FGF3: variants seen among roughly 807,000 people sequenced by gnomAD.
FGF3 encodes fibroblast growth factor 3.
A neutral mutation model predicts 9.8 loss-of-function variants in FGF3; 7 were observed. That is an observed-to-expected ratio of 0.72 (90% CI 0.41 to 1.35). The LOEUF (loss-of-function observed/expected upper bound fraction) is 1.35. Ranked by LOEUF, FGF3 falls within the 40% of genes most tolerant of loss-of-function variation. The pLI is 0.01. For missense variants in FGF3, 390 were observed against 345.6 expected, an observed-to-expected ratio of 1.13 and a Z score of -1.02; for synonymous variants, 173 against 157.2, an observed-to-expected ratio of 1.10 and a Z score of -0.75.
Position 69,816,314 on chromosome 11 carries a change from A to G in FGF3, c.324+6T>C. ...AGCGCCCACCCACGTGACAGCCTGG[A>G]CTCACCGAAGCATAGAGTCGTCCCC... On this transcript the variant is annotated splice_donor_region_variant and intron_variant, in intron 2 of 2. Transcript: ENST00000334134. 2 of 1,609,412 alleles carry G rather than the reference A, an allele frequency of 1.2e-6. No homozygotes were observed. The highest frequency in any genetic ancestry group is 1.7e-6 in the Non-Finnish European group (2 of 1,175,870).
chr11:69,819,137 G>GGGAGAT lies in FGF3; in HGVS notation c.-205_-204insATCTCC, dbSNP rs1351993081. On this transcript the variant is annotated 5_prime_UTR_variant, in exon 1 of 3. Coordinates refer to ENST00000334134, the MANE Select transcript of FGF3 (RefSeq NM_005247.4). ...AGAGAGGGAGAGTGGGAGAGGGAGA[G>GGGAGAT]GGAGAGAGGGAACGCGAGTCCCTTT... 28 of 419,178 alleles carry GGGAGAT rather than the reference G, an allele frequency of 6.7e-5. No individual in the cohort carries two copies. The highest frequency in any genetic ancestry group is 1.0e-4 in the Non-Finnish European group (24 of 238,194). 26.0% of individuals were successfully genotyped at this position (419,178 alleles called of 1,614,324 possible). A position where few individuals can be genotyped will look rare whatever the true frequency, so the allele number is the denominator to read the frequency against.
Position 69,810,427 on chromosome 11 carries a change from T to A in FGF3, c.598A>T (p.Arg200Ter), listed in dbSNP as rs1305463722. The A allele has an allele frequency of 1.1e-5, 18 of 1,583,626 alleles. No homozygotes were observed. Among genetic ancestry groups the A allele is most frequent in the Non-Finnish European group, 1.5e-5 (18 of 1,163,052 alleles). The change falls in exon 3 of 3, where the codon AGA becomes TGA. Residue 200 changes from arginine to a stop codon, truncating the protein, a stop_gained. Coordinates refer to ENST00000334134, the MANE Select transcript of FGF3 (RefSeq NM_005247.4). LOFTEE classifies it low-confidence loss of function (END_TRUNC). Reference protein sequence around the residue: ...MVRQLQSGLPRPPGKGVQPRR... With the variant: ...MVRQLQSGLP The stretch of plus-strand genomic sequence containing the variant: ...GGCTGGACCCCCTTACCAGGGGGTC[T>A]GGGCAGCCCACTCTGTAGCTGCCGC...
chr11:69,816,455 C>A (rs548142624), intron 1 of FGF3, 32 bp from the exon 2 acceptor site: 1 of 1,573,032 alleles, frequency 6.4e-7, no homozygotes, highest in South Asian at 1.1e-5. Context: ...TCACTCCCGC[C>A]GCCCCCACGG....
At chr11:69,816,777 G>T (rs1392503853) in intron 1 of FGF3, among the ~76,000 whole-genome samples, 1 of 152,204 alleles carries the variant, frequency 6.6e-6, no homozygotes, top group Non-Finnish European at 1.5e-5. Flanking sequence ...ATGGCTGGGT[G>T]ACTGTCAGGC....
intron 2 of FGF3, among the ~76,000 whole-genome samples, chr11:69,815,487 C>T (rs1234160532): frequency 2.6e-5 from 4 of 152,140 alleles, no homozygotes; most frequent in Admixed American, 2.6e-4. Flanking sequence ...TCAGCTTCTG[C>T]GAGAGGGAGC....
Position 69,819,131 on chromosome 11 carries a change from G to C in FGF3, c.-198C>G, listed in dbSNP as rs902489816. ...AGAGAAAGAGAGGGAGAGTGGGAGA[G>C]GGAGAGGGAGAGAGGGAACGCGAGT... On this transcript the variant is annotated 5_prime_UTR_variant, in exon 1 of 3. Coordinates refer to ENST00000334134, the MANE Select transcript of FGF3 (RefSeq NM_005247.4). 4.7e-5 allele frequency: 20 copies of C among 426,920 alleles called. No homozygotes were observed. The highest frequency in any genetic ancestry group is 4.0e-4 in the African/African-American group (19 of 48,062). 26.4% of individuals were successfully genotyped at this position (426,920 alleles called of 1,614,324 possible).
intron 2 of FGF3, among the ~76,000 whole-genome samples, chr11:69,811,274 C>T (rs1401289529): frequency 6.6e-6 from 1 of 151,890 alleles, no homozygotes; most frequent in Non-Finnish European, 1.5e-5. Context: ...ATGGCAAAAC[C>T]CCGTCTCTAC....
At chr11:69,810,764 T>C (rs781930358) in intron 2 of FGF3, 64 bp from the exon 3 acceptor site, 37 of 1,429,868 alleles carry the variant, frequency 2.6e-5, no homozygotes, top group Non-Finnish European at 3.3e-5. Context: ...GGGCCCAGGG[T>C]TGCCTGATGC....
chr11:69,818,721 G>C lies in FGF3; in HGVS notation c.213C>G (p.Ser71Arg). Residue 71 changes from serine (S) to arginine (R), a missense_variant, in exon 1 of 3, where the codon AGC (serine) becomes AGG (arginine). Transcript: ENST00000334134. ...SGRVNGSLEN[S>R]AYSILEITAV... ...GCAGCGTCCGGCACTCACTGTAGGC[G>C]CTGTTCTCCAGGCTGCCGTTGACGC... 1 of 1,488,302 alleles carries C rather than the reference G, an allele frequency of 6.7e-7. No individual in the cohort carries two copies. Among genetic ancestry groups the C allele is most frequent in the Non-Finnish European group, 8.9e-7 (1 of 1,125,810 alleles). 92.2% of individuals were successfully genotyped at this position (1,488,302 alleles called of 1,614,324 possible).
chr11:69,817,924 G>T (rs567245075), intron 1 of FGF3, among the ~76,000 whole-genome samples: 141 of 152,352 alleles, frequency 9.3e-4, no homozygotes, highest in African/African-American at 3.3e-3. Flanking sequence ...AGCGCAGCCC[G>T]GGCCGCGGGT....
chr11:69,813,989 G>A (rs1183298080), intron 2 of FGF3, among the ~76,000 whole-genome samples: 1 of 151,920 alleles, frequency 6.6e-6, no homozygotes, highest in African/African-American at 2.4e-5. Flanking sequence ...GAAGGAAGGA[G>A]GGAGCATGGA....
intron 1 of FGF3, among the ~76,000 whole-genome samples, chr11:69,818,460 C>T (rs1353355510): frequency 6.6e-6 from 1 of 152,108 alleles, no homozygotes; most frequent in Non-Finnish European, 1.5e-5. Flanking sequence ...CGCCCATGCC[C>T]CCGAGTTCTG....
chr11:69,815,736 G>A (rs12575712), intron 2 of FGF3, among the ~76,000 whole-genome samples: 29,264 of 152,158 alleles, frequency 0.19, 3,583 homozygotes, highest in East Asian at 0.4. Context: ...TACCCACAGA[G>A]TAAGGAGACC....
At chr11:69,817,516 G>A (rs1302695519) in intron 1 of FGF3, 3 of 152,272 alleles carry the variant, frequency 2.0e-5, no homozygotes, top group Admixed American at 2.0e-4. Flanking sequence ...CGACTCCGAG[G>A]GGGAGCCTGG....
chr11:69,817,830 C>T (rs1856161395), intron 1 of FGF3, among the ~76,000 whole-genome samples: 1 of 152,226 alleles, frequency 6.6e-6, no homozygotes, highest in Non-Finnish European at 1.5e-5. Flanking sequence ...CTCCGCTATC[C>T]TGCTCCTCAA....
rs782273342 is a variant in FGF3 at position 69,816,293 on chromosome 11, C to T, written c.324+27G>A. 1.9e-6 allele frequency: 3 copies of T among 1,553,150 alleles called. No homozygotes were observed. The South Asian group carries it at 3.3e-5, about 17-fold the overall frequency. On this transcript the variant is annotated intron_variant, in intron 2 of 2. Transcript: ENST00000334134. ...AGGCCAGACCGCTACTCCGTCAGCG[C>T]CCACCCACGTGACAGCCTGGACTCA...
At position 69,810,650 on chromosome 11, in the gene FGF3, G is replaced by A. The variant is rs1554980374; in HGVS notation, c.375C>T (p.Gly125=). ...ACAGCCGGGAGGCATACGTATTATA[G>A]CCCAGCTCGTGGATCCGCTCCACAA... is the stretch of plus-strand genomic sequence containing the variant. ...CEFVERIHEL[G]YNTYASRLYR... Residue 125 remains glycine (G), a synonymous_variant, in exon 3 of 3, where the codon GGC becomes GGT. Transcript: ENST00000334134. 5 of 1,595,388 alleles carry A rather than the reference G, an allele frequency of 3.1e-6. No homozygotes were observed. The highest frequency in any genetic ancestry group is 4.3e-6 in the Non-Finnish European group (5 of 1,167,726).
At chr11:69,813,318 A>C (rs1554980631) in intron 2 of FGF3, among the ~76,000 whole-genome samples, 1 of 151,938 alleles carries the variant, frequency 6.6e-6, no homozygotes, top group South Asian at 2.1e-4. Flanking sequence ...AGGAGGCTCA[A>C]CCTCTGGATG....
intron 2 of FGF3, among the ~76,000 whole-genome samples, chr11:69,813,584 A>AC (rs1856061761): frequency 1.1e-5 from 1 of 89,896 alleles, no homozygotes; most frequent in Non-Finnish European, 2.4e-5. Context: ...GGATGGATGG[A>AC]TAGATGGGTG....
Sources: gnomAD v4.1 joint callset for allele counts (sites outside exome capture counted in the v4.1 genomes callset) on GRCh38, gnomAD v4.1.1 for gene constraint, MANE v1.5 for transcripts, NCBI Gene and HGNC (gene_info 2026-07-23, HGNC 2026-07-21) for gene names.